The following AKAP9 variants were observed in gnomAD, a reference collection of about 807,000 sequenced individuals.
AKAP9 encodes the protein A-kinase anchor protein 9.
A neutral mutation model predicts 488.5 loss-of-function variants in AKAP9; 311 were observed. The ratio of observed to expected loss-of-function variants is 0.64; its 90% CI spans 0.58 to 0.70. AKAP9 has a LOEUF of 0.70. AKAP9 is among the 30% of genes least tolerant of loss of function. AKAP9 has a pLI of 0.00. For synonymous variants in AKAP9, 1,462 were observed against 1,483.5 expected, an observed-to-expected ratio of 0.99 and a Z score of 0.33; for missense variants, 4,215 against 4,374.5, an observed-to-expected ratio of 0.96 and a Z score of 1.03.
chr7:92,010,278 G>C (rs115919236), intron 8 of AKAP9, among the ~76,000 whole-genome samples: 2,187 of 152,270 alleles, frequency 0.014, 45 homozygotes, highest in African/African-American at 0.05. Context: ...GGAATATAAG[G>C]GAGTTTATCT....
chr7:92,002,039 T>A lies in AKAP9; in HGVS notation c.2122T>A (p.Ser708Thr), dbSNP rs377735460. The A allele has an allele frequency of 3.2e-5, 52 of 1,604,402 alleles. No individual in the cohort carries two copies. The highest frequency in any genetic ancestry group is 4.2e-5 in the Non-Finnish European group (50 of 1,176,700). The change falls in exon 8 of 50, where the codon TCT (serine) becomes ACT (threonine). Residue 708 changes from serine to threonine, a missense_variant. This residue lies in a region of AKAP9 where 2,361 missense variants were observed against 2,430.0 expected (regional missense o/e 0.97). Transcript: ENST00000356239. ...EISKLKDLQQ[S>T]LVNSKSEEMT... is the part of the protein sequence containing the mutation. ...TTCAAAGCTAAAAGATTTACAGCAG[T>A]CTCTTGTAAATTCAAAGTCAGAAGA...
In AKAP9 at chr7:92,070,201, C is replaced by A. The variant is rs768800792; in HGVS notation, c.6502C>A (p.Gln2168Lys). Reference sequence around the variant, plus strand: ...GCTTCTTGTGAGTGCAGATACTTTTCAAAAGGTGTGGCATTTTATTTGGGC... The same window carrying A: ...GCTTCTTGTGAGTGCAGATACTTTTAAAAAGGTGTGGCATTTTATTTGGGC... Reference protein sequence around the residue: ...QALLVSADTFQKVEDRKHFGA... With the variant: ...QALLVSADTFKKVEDRKHFGA... Residue 2168 changes from glutamine to lysine, a missense_variant, in exon 27 of 50, where the codon CAA becomes AAA. Around this residue, in one of 5 missense-constraint regions of AKAP9, gnomAD observed 2,361 missense variants for 2,430.0 expected, o/e 0.97. Transcript: ENST00000356239. 1.9e-6 allele frequency: 3 copies of A among 1,613,868 alleles called. No homozygotes were observed. The East Asian group carries it at 6.7e-5, about 36-fold the overall frequency.
intron 26 of AKAP9, among the ~76,000 whole-genome samples, chr7:92,068,161 C>T (rs936703575): frequency 4.0e-4 from 60 of 151,562 alleles, no homozygotes; most frequent in Admixed American, 2.3e-3. Context: ...GAGATCGTGA[C>T]CATCCTGGCT....
chr7:92,053,593 A>G (rs975982214), intron 22 of AKAP9, among the ~76,000 whole-genome samples: 1 of 152,190 alleles, frequency 6.6e-6, no homozygotes, highest in African/African-American at 2.4e-5. Flanking sequence ...CAGGTAGTGA[A>G]GTATAGTAGG....
chr7:92,012,664 A>C, intron 9 of AKAP9, 22 bp downstream of exon 9: 1 of 1,566,030 alleles, frequency 6.4e-7, no homozygotes, highest in Non-Finnish European at 8.8e-7. Context: ...TCTGACTTAT[A>C]AGTACCATGA....
At chr7:92,086,530 T>C (rs1442497118) in intron 37 of AKAP9, 114 bp downstream of exon 37, 2 of 817,646 alleles carry the variant, frequency 2.4e-6, no homozygotes, top group Non-Finnish European at 3.9e-6. Context: ...CCACTATGAA[T>C]ATTTTAAAAA....
intron 21 of AKAP9, among the ~76,000 whole-genome samples, chr7:92,048,538 C>T (rs951840223): frequency 2.6e-5 from 4 of 152,198 alleles, no homozygotes; most frequent in Non-Finnish European, 5.9e-5. Context: ...GTTTTATGCT[C>T]ACCTCTCCCA....
intron 1 of AKAP9, among the ~76,000 whole-genome samples, chr7:91,947,344 C>CA (rs1303894144): frequency 1.3e-5 from 2 of 151,898 alleles, no homozygotes; most frequent in Admixed American, 1.3e-4. Context: ...ACTTAGCAAG[C>CA]ATTTTTTTTT....
Position 91,992,767 on chromosome 7 carries a change from T to A in AKAP9, c.406-118T>A, listed in dbSNP as rs1352833421. ...AACGAAGTAGGTTGCCATACCATAATCTTCCAGGTGGTGAGTGATGTTTTA... is the reference window on the plus strand; with the variant it reads ...AACGAAGTAGGTTGCCATACCATAAACTTCCAGGTGGTGAGTGATGTTTTA... On this transcript the variant is annotated intron_variant, in intron 4 of 49. Transcript: ENST00000356239. The A allele has an allele frequency of 5.4e-6, 5 of 922,644 alleles. No individual in the cohort carries two copies. The African/African-American group carries it at 8.2e-5, about 15-fold the overall frequency. 57.2% of individuals were successfully genotyped at this position (922,644 alleles called of 1,614,324 possible). A position where few individuals can be genotyped will look rare whatever the true frequency, so the allele number is the denominator to read the frequency against.
chr7:92,003,662 A>G (rs188678558), intron 8 of AKAP9, among the ~76,000 whole-genome samples: 60 of 152,112 alleles, frequency 3.9e-4, no homozygotes, highest in Non-Finnish European at 8.1e-4. Flanking sequence ...AAGCTTTTTA[A>G]TAGTCTCTAT....
intron 1 of AKAP9, among the ~76,000 whole-genome samples, chr7:91,944,618 G>A (rs542018835): frequency 1.6e-4 from 25 of 152,048 alleles, no homozygotes; most frequent in Middle Eastern, 6.8e-3. Context: ...AACTCCTGCC[G>A]TTAAGTGATC....
chr7:92,110,130 A>T lies in AKAP9; in HGVS notation c.11695A>T (p.Thr3899Ser). 6.2e-7 allele frequency: 1 copy of T among 1,601,550 alleles called. No homozygotes were observed. Among genetic ancestry groups the T allele is most frequent in the Non-Finnish European group, 8.5e-7 (1 of 1,171,668 alleles). The change falls in exon 50 of 50, where the codon ACT becomes TCT. Residue 3899 changes from threonine to serine, a missense_variant. This residue lies in a region of AKAP9 where 253 missense variants were observed against 266.8 expected (regional missense o/e 0.95). Transcript: ENST00000356239. ...RLGTIQSGST[T>S]QFHAGMRR The stretch of plus-strand genomic sequence containing the variant: ...CTGTTTTTCTCTCATAGGTTCAACT[A>T]CTCAATTTCATGCTGGCATGAGAAG...
chr7:91,997,980 T>G (rs1457647405), intron 7 of AKAP9, among the ~76,000 whole-genome samples: 1 of 152,166 alleles, frequency 6.6e-6, no homozygotes, highest in East Asian at 1.9e-4. Context: ...CCTAGACCAG[T>G]GGTCCCCAAC....
At position 92,003,046 on chromosome 7, in the gene AKAP9, T is replaced by C; in HGVS notation, c.3129T>C (p.Gly1043=). 6.2e-7 allele frequency: 1 copy of C among 1,613,246 alleles called. No individual in the cohort carries two copies. The change falls in exon 8 of 50, where the codon GGT becomes GGC. Residue 1043 remains glycine, a synonymous_variant. Coordinates refer to ENST00000356239, the MANE Select transcript of AKAP9 (RefSeq NM_005751.5). ...TTTCTAAAGTAAATAAAAGTTTTGG[T>C]GAAGAATCAAAAATAATGGTGGAAG... ...GSVSKVNKSF[G]EESKIMVEDK...
chr7:92,004,618 C>G (rs1026064522), intron 8 of AKAP9, among the ~76,000 whole-genome samples: 1 of 151,922 alleles, frequency 6.6e-6, no homozygotes, highest in Admixed American at 6.6e-5. Context: ...GCTCTCTGTT[C>G]GTCTGTTGTT....
rs779147978 is a variant in AKAP9, at chr7:92,096,989, C to T, written c.10030C>T (p.Leu3344=). The change falls in exon 41 of 50, where the codon CTA becomes TTA. Residue 3344 remains leucine, a synonymous_variant. Transcript: ENST00000356239. ...TCGGCCACCCTTGCCCTCAGAGGAC[C>T]TACTGAAAGAGCTGCAGAAACAGCT... ...QSRPPLPSED[L]LKELQKQLEE... is the part of the protein sequence containing the mutation. 2.5e-6 allele frequency: 4 copies of T among 1,614,162 alleles called. No individual in the cohort carries two copies. Among genetic ancestry groups the T allele is most frequent in the Non-Finnish European group, 3.4e-6 (4 of 1,179,994 alleles).
At position 91,994,707 on chromosome 7, in the gene AKAP9, G is replaced by T; in HGVS notation, c.663G>T (p.Lys221Asn). 1 of 1,613,302 alleles carries T rather than the reference G, an allele frequency of 6.2e-7. No individual in the cohort carries two copies. Among genetic ancestry groups the T allele is most frequent in the South Asian group, 1.1e-5 (1 of 90,930 alleles). The change falls in exon 6 of 50, where the codon AAG becomes AAT. Residue 221 changes from lysine to asparagine, a missense_variant. This residue lies in a region of AKAP9 where 2,361 missense variants were observed against 2,430.0 expected (regional missense o/e 0.97). Coordinates refer to ENST00000356239, the MANE Select transcript of AKAP9 (RefSeq NM_005751.5). Reference protein sequence around the residue: ...TANLQQARREKDETMREFLEL... With the variant: ...TANLQQARRENDETMREFLEL... ...ATTTACAACAAGCAAGAAGAGAAAA[G>T]GATGAGACAATGAGAGAATTTTTAG...
chr7:92,042,933 G>T, intron 20 of AKAP9, 162 bp downstream of exon 20: 1 of 482,402 alleles, frequency 2.1e-6, no homozygotes, highest in Non-Finnish European at 3.7e-6. Context: ...GTATGTAAAG[G>T]ATTTTCAGTT....
At chr7:92,082,345 A>G (rs1236564801) in intron 31 of AKAP9, among the ~76,000 whole-genome samples, 177 bp from the exon 32 acceptor site, 1 of 152,238 alleles carries the variant, frequency 6.6e-6, no homozygotes, top group African/African-American at 2.4e-5. Flanking sequence ...TCTCAAGAAT[A>G]TAAGATGATG....
Sources: gnomAD v4.1 joint callset for allele counts (sites outside exome capture counted in the v4.1 genomes callset) on GRCh38, gnomAD v4.1.1 for gene constraint, gnomAD v4.1.1 regional missense constraint, MANE v1.5 for transcripts, NCBI Gene and HGNC (gene_info 2026-07-23, HGNC 2026-07-21) for gene names.